BIN3: variants seen among roughly 807,000 people sequenced by gnomAD.
The protein encoded by BIN3 is bridging integrator 3.
In BIN3, 41 loss-of-function variants were observed where a neutral mutation model predicts 38.2. The ratio of observed to expected loss-of-function variants is 1.07; its 90% confidence interval spans 0.84 to 1.39. BIN3 has a LOEUF of 1.39. Among genes scored for constraint, BIN3 ranks in the 40% most tolerant of loss-of-function variants. BIN3 has a pLI of 0.00. For missense variants in BIN3, 361 were observed against 324.3 expected, an observed-to-expected ratio of 1.11 and a Z score of -0.87; for synonymous variants, 145 against 122.6, an observed-to-expected ratio of 1.18 and a Z score of -1.21.
intron 1 of BIN3, among the ~76,000 whole-genome samples, chr8:22,646,371 C>G (rs988207902): frequency 6.6e-6 from 1 of 152,154 alleles, no homozygotes; most frequent in African/African-American, 2.4e-5. Context: ...ACCAGACCCG[C>G]TCCACCAGGC....
At chr8:22,640,009 G>A (rs954165198) in intron 2 of BIN3, among the ~76,000 whole-genome samples, 4 of 151,986 alleles carry the variant, frequency 2.6e-5, no homozygotes, top group African/African-American at 7.3e-5. Flanking sequence ...TTACAGGCAT[G>A]TGCCACCGCG....
Position 22,649,477 on chromosome 8 carries a change from G to GTT in BIN3, c.9-4675_9-4674insAA, listed in dbSNP as rs570421435. 4.3e-4 allele frequency among the ~76,000 whole-genome samples: 66 copies of GTT among 152,076 alleles called. 1 individual carries two copies. In the East Asian group the frequency reaches 0.011, roughly 26 times the overall value. ...AATAAAAGGGGATGGGGTGGGTGGG[G>GTT]GTATAAGGGAGGAAAAGGAGAGGGA... On this transcript the variant is annotated intron_variant, in intron 1 of 8. Transcript: ENST00000276416.
intron 6 of BIN3, among the ~76,000 whole-genome samples, chr8:22,628,427 A>G (rs1341844247): frequency 3.3e-5 from 5 of 152,016 alleles, no homozygotes; most frequent in Non-Finnish European, 4.4e-5. Context: ...GTTGGGGGAG[A>G]TCGTATGTCA....
chr8:22,660,875 T>C (rs1044910946), intron 1 of BIN3, among the ~76,000 whole-genome samples: 14 of 152,134 alleles, frequency 9.2e-5, no homozygotes. Flanking sequence ...ATTGTATTTC[T>C]TTCTTTTCTT....
chr8:22,657,814 G>A (rs1362648448), intron 1 of BIN3, among the ~76,000 whole-genome samples: 2 of 152,230 alleles, frequency 1.3e-5, no homozygotes, highest in African/African-American at 2.4e-5. Context: ...GTCTCCCACT[G>A]CAGGCACAGG....
At chr8:22,667,048 G>A (rs992776042) in intron 1 of BIN3, among the ~76,000 whole-genome samples, 19 of 152,166 alleles carry the variant, frequency 1.2e-4, no homozygotes, top group African/African-American at 4.3e-4. Context: ...TGCTGTTCCC[G>A]TCTTTGAGAG....
intron 4 of BIN3, among the ~76,000 whole-genome samples, chr8:22,632,736 C>T (rs1199497259): frequency 8.3e-5 from 11 of 133,156 alleles, no homozygotes; most frequent in South Asian, 5.0e-4. Flanking sequence ...CGGAGTTTCG[C>T]TCTTGTCACC....
chr8:22,651,712 T>G (rs1008424491), intron 1 of BIN3, among the ~76,000 whole-genome samples: 2 of 152,206 alleles, frequency 1.3e-5, no homozygotes, highest in Non-Finnish European at 2.9e-5. Context: ...AACCTGTTTT[T>G]TATTTTCTTA....
chr8:22,642,567 A>T (rs1270196478), intron 2 of BIN3, among the ~76,000 whole-genome samples: 1 of 152,232 alleles, frequency 6.6e-6, no homozygotes, highest in Non-Finnish European at 1.5e-5. Flanking sequence ...AGAAGGTCAA[A>T]TCAACCAGCT....
chr8:22,644,326 G>A (rs1585193295), intron 2 of BIN3, among the ~76,000 whole-genome samples: 1 of 152,236 alleles, frequency 6.6e-6, no homozygotes, highest in East Asian at 1.9e-4. Flanking sequence ...ACACAAACAG[G>A]CCGAGGCCAC....
chr8:22,647,067 C>T (rs1802736801), intron 1 of BIN3, among the ~76,000 whole-genome samples: 1 of 152,216 alleles, frequency 6.6e-6, no homozygotes, highest in Non-Finnish European at 1.5e-5. Flanking sequence ...AAATCTCAAT[C>T]TCTCTGGAGC....
chr8:22,668,441 T>C (rs1438360970), intron 1 of BIN3, among the ~76,000 whole-genome samples: 1 of 152,238 alleles, frequency 6.6e-6, no homozygotes, highest in Non-Finnish European at 1.5e-5. Context: ...CCATGCCTAT[T>C]TAGAGGGCAG....
At chr8:22,648,586 G>A (rs1483503506) in intron 1 of BIN3, among the ~76,000 whole-genome samples, 2 of 152,142 alleles carry the variant, frequency 1.3e-5, no homozygotes, top group African/African-American at 4.8e-5. Context: ...CAGGGTCCAC[G>A]ATGTCAACAT....
intron 1 of BIN3, among the ~76,000 whole-genome samples, chr8:22,655,834 G>A (rs1242166954): frequency 6.6e-6 from 1 of 152,120 alleles, no homozygotes; most frequent in Non-Finnish European, 1.5e-5. Context: ...CTAGTCCATT[G>A]TTTTAACATA....
At chr8:22,643,913 G>T (rs1802639573) in intron 2 of BIN3, among the ~76,000 whole-genome samples, 1 of 152,198 alleles carries the variant, frequency 6.6e-6, no homozygotes, top group Non-Finnish European at 1.5e-5. Context: ...TCAGATTTGT[G>T]GGTCAGGAGG....
chr8:22,663,879 A>G (rs190582143), intron 1 of BIN3, among the ~76,000 whole-genome samples: 1 of 152,348 alleles, frequency 6.6e-6, no homozygotes, highest in Admixed American at 6.5e-5. Flanking sequence ...ATCTGCTTCA[A>G]GTCTTTCTTG....
intron 4 of BIN3, among the ~76,000 whole-genome samples, chr8:22,632,607 A>G (rs1802241779): frequency 6.6e-6 from 1 of 152,192 alleles, no homozygotes; most frequent in Non-Finnish European, 1.5e-5. Context: ...TAAAGCTGGA[A>G]ATGTTTCTGA....
chr8:22,637,208 T>C (rs1202847609), intron 2 of BIN3, among the ~76,000 whole-genome samples: 1 of 152,086 alleles, frequency 6.6e-6, no homozygotes, highest in Non-Finnish European at 1.5e-5. Flanking sequence ...CAGCGGACTG[T>C]GGCTCTGCTC....
At chr8:22,624,647 T>G (rs948034446) in intron 6 of BIN3, 6 of 359,568 alleles carry the variant, frequency 1.7e-5, no homozygotes, top group African/African-American at 1.3e-4. Context: ...TGAGAGGAGG[T>G]GGGGTTGTGG....
Sources: gnomAD v4.1 joint callset for allele counts (sites outside exome capture counted in the v4.1 genomes callset) on GRCh38, gnomAD v4.1.1 for gene constraint, MANE v1.5 for transcripts, NCBI Gene and HGNC (gene_info 2026-07-23, HGNC 2026-07-21) for gene names.